Variants in SPATA17 observed in about 807,000 individuals in gnomAD.
The protein encoded by SPATA17 is spermatogenesis-associated protein 17.
In SPATA17, 53 loss-of-function variants were observed where a neutral mutation model predicts 62.2. That is an observed-to-expected ratio of 0.85 (90% CI 0.68 to 1.07). The LOEUF is 1.07. Ranked by LOEUF, SPATA17 falls within the 50% of genes least tolerant of loss-of-function variation. The probability of loss-of-function intolerance (pLI) is 0.00; values close to 1 mark genes in which losing one functional copy is unlikely to be tolerated. For synonymous variants in SPATA17, 146 were observed against 146.8 expected, an observed-to-expected ratio of 0.99 and a Z score of 0.04; for missense variants, 466 against 425.5, an observed-to-expected ratio of 1.10 and a Z score of -0.84.
At chr1:217,742,716 C>A (rs1672650220) in intron 6 of SPATA17, among the ~76,000 whole-genome samples, 1 of 152,054 alleles carries the variant, frequency 6.6e-6, no homozygotes, top group African/African-American at 2.4e-5. Flanking sequence ...AAAAGAAATA[C>A]GGTTTTAAAA....
intron 5 of SPATA17, among the ~76,000 whole-genome samples, chr1:217,716,028 C>G (rs1172292506): frequency 6.6e-6 from 1 of 152,140 alleles, no homozygotes; most frequent in Admixed American, 6.5e-5. Flanking sequence ...AACATAATCT[C>G]TCATCCTTAT....
chr1:217,713,729 A>G (rs909891159), intron 5 of SPATA17, among the ~76,000 whole-genome samples: 2 of 152,218 alleles, frequency 1.3e-5, no homozygotes, highest in Non-Finnish European at 2.9e-5. Flanking sequence ...GAAACAAACG[A>G]AAGTGTGTAG....
At chr1:217,863,115 CTT>C (rs1675930970) in intron 10 of SPATA17, among the ~76,000 whole-genome samples, 1 of 135,066 alleles carries the variant, frequency 7.4e-6, no homozygotes, top group African/African-American at 2.6e-5. Context: ...CTAAAATACT[CTT>C]TCTTTTTTTT....
intron 7 of SPATA17, chr1:217,781,345 A>C (rs1673722260): frequency 6.6e-6 from 1 of 152,200 alleles, no homozygotes; most frequent in African/African-American, 2.4e-5. Flanking sequence ...TCCATTTAAT[A>C]TTACTTCTCT....
At chr1:217,685,160 T>G (rs1231404817) in intron 5 of SPATA17, among the ~76,000 whole-genome samples, 1 of 152,006 alleles carries the variant, frequency 6.6e-6, no homozygotes, top group African/African-American at 2.4e-5. Flanking sequence ...AGTGAGACTT[T>G]TAAGGGAGGG....
At chr1:217,689,146 G>A (rs1671291164) in intron 5 of SPATA17, among the ~76,000 whole-genome samples, 2 of 150,758 alleles carry the variant, frequency 1.3e-5, no homozygotes. Flanking sequence ...ATTCGAGCTA[G>A]CCTTTATAGA....
chr1:217,801,557 A>G (rs1267223678), intron 8 of SPATA17, among the ~76,000 whole-genome samples, 161 bp from the exon 9 acceptor site: 2 of 152,188 alleles, frequency 1.3e-5, no homozygotes, highest in South Asian at 2.1e-4. Flanking sequence ...GAAGTAATTA[A>G]CACAGATAAT....
chr1:217,683,077 T>C (rs1671125475), intron 4 of SPATA17, among the ~76,000 whole-genome samples, 181 bp from the exon 5 acceptor site: 1 of 151,894 alleles, frequency 6.6e-6, no homozygotes, highest in Non-Finnish European at 1.5e-5. Flanking sequence ...TTTATAATAT[T>C]TCATAAAAAA....
chr1:217,745,861 C>T (rs556046797), intron 6 of SPATA17, among the ~76,000 whole-genome samples: 8 of 152,108 alleles, frequency 5.3e-5, no homozygotes, highest in African/African-American at 1.4e-4. Flanking sequence ...TTTATACTTA[C>T]GATTTTGCTG....
intron 9 of SPATA17, among the ~76,000 whole-genome samples, chr1:217,807,108 T>A (rs975242858): frequency 4.6e-5 from 7 of 152,118 alleles, no homozygotes; most frequent in Non-Finnish European, 7.3e-5. Context: ...TGCAGCAACA[T>A]GGATGCAGCT....
At chr1:217,845,549 C>T (rs376149807) in intron 9 of SPATA17, among the ~76,000 whole-genome samples, 5 of 152,138 alleles carry the variant, frequency 3.3e-5, no homozygotes, top group African/African-American at 7.2e-5. Context: ...GTTGCTTGAC[C>T]TGTATAAAAC....
intron 5 of SPATA17, among the ~76,000 whole-genome samples, chr1:217,702,898 T>G (rs1248712446): frequency 6.6e-6 from 1 of 152,118 alleles, no homozygotes; most frequent in Admixed American, 6.5e-5. Context: ...TTTTTTTTTT[T>G]TGAGATGGAG....
chr1:217,712,453 C>T (rs1180339031), intron 5 of SPATA17, among the ~76,000 whole-genome samples: 3 of 152,084 alleles, frequency 2.0e-5, no homozygotes, highest in Admixed American at 6.6e-5. Context: ...TTATGTCTTA[C>T]ATAATTTCCT....
At chr1:217,731,067 C>G (rs542619267) in intron 5 of SPATA17, among the ~76,000 whole-genome samples, 1 of 152,246 alleles carries the variant, frequency 6.6e-6, no homozygotes, top group South Asian at 2.1e-4. Flanking sequence ...CTTCTCTTCT[C>G]TTATAATTTA....
At chr1:217,680,780 C>A (rs1482899036) in intron 4 of SPATA17, among the ~76,000 whole-genome samples, 1 of 151,524 alleles carries the variant, frequency 6.6e-6, no homozygotes, top group African/African-American at 2.4e-5. Context: ...CAAAAATTAG[C>A]TGGGCATGGT....
rs907509615 is a variant in SPATA17 at position 217,704,502 on chromosome 1, G to A, written c.395+21141G>A. ...CCTGACCTCATGATCCACCCGCCTC[G>A]GCCTCCCAAAGTGCTGGGATTACAG... On this transcript the variant is annotated intron_variant, in intron 5 of 10. Coordinates refer to ENST00000366933, the MANE Select transcript of SPATA17 (RefSeq NM_138796.4). 4.6e-5 allele frequency among the ~76,000 whole-genome samples: 7 copies of A among 150,692 alleles called. No homozygotes were observed. In the South Asian group the frequency reaches 1.1e-3, roughly 23 times the overall value.
intron 9 of SPATA17, 112 bp downstream of exon 9, chr1:217,801,962 C>T: frequency 9.0e-7 from 1 of 1,111,182 alleles, no homozygotes; most frequent in Non-Finnish European, 1.2e-6. Context: ...ATGGTAACAA[C>T]ATTTTTTATA....
intron 9 of SPATA17, 80 bp from the exon 10 acceptor site, chr1:217,862,694 T>G (rs527469146): frequency 9.7e-7 from 1 of 1,035,714 alleles, no homozygotes; most frequent in African/African-American, 1.6e-5. Flanking sequence ...TCTAGCAATT[T>G]AATCTAAATA....
chr1:217,703,190 A>ATTTTTTTTTTTTTTTTTT (rs1671644658), intron 5 of SPATA17, among the ~76,000 whole-genome samples: 1 of 59,076 alleles, frequency 1.7e-5, no homozygotes, highest in African/African-American at 8.9e-5. Flanking sequence ...TTTTTTTTTG[A>ATTTTTTTTTTTTTTTTTT]AATGGAGTCT....
Sources: gnomAD v4.1 joint callset for allele counts (sites outside exome capture counted in the v4.1 genomes callset) on GRCh38, gnomAD v4.1.1 for gene constraint, MANE v1.5 for transcripts, NCBI Gene and HGNC (gene_info 2026-07-23, HGNC 2026-07-21) for gene names.